PHF24: variants seen among roughly 807,000 people sequenced by gnomAD.
PHF24 encodes Galpha inhibitory interacting protein.
In PHF24, 25 loss-of-function variants were observed where a neutral mutation model predicts 42.6. That is an observed-to-expected ratio of 0.59 (90% CI 0.43 to 0.82). The LOEUF (loss-of-function observed/expected upper bound fraction) is 0.82. PHF24 is among the 40% of genes least tolerant of loss of function. The probability of loss-of-function intolerance (pLI) is 0.00; values close to 1 mark genes in which losing one functional copy is unlikely to be tolerated. For missense variants in PHF24, 470 were observed against 538.1 expected, an observed-to-expected ratio of 0.87 and a Z score of 1.25; for synonymous variants, 185 against 204.8, an observed-to-expected ratio of 0.90 and a Z score of 0.83.
chr9:34,880,161 G>T, the PHF24 span, among the ~76,000 whole-genome samples: 1 of 152,182 alleles, frequency 6.6e-6, no homozygotes, highest in Admixed American at 6.5e-5. Context: ...GAGAGATTTT[G>T]TCACCACCAG....
the PHF24 span, among the ~76,000 whole-genome samples, chr9:34,767,414 G>A: frequency 3.0e-4 from 46 of 152,346 alleles, no homozygotes; most frequent in Non-Finnish European, 5.0e-4. Flanking sequence ...AATGGCGGAC[G>A]CCCCTCCCCC....
intron 1 of PHF24, among the ~76,000 whole-genome samples, chr9:34,965,456 A>G (rs372671001): frequency 6.6e-6 from 1 of 152,262 alleles, no homozygotes; most frequent in African/African-American, 2.4e-5. Context: ...AGATTGAACC[A>G]TCTCAGCTAA....
In PHF24 at chr9:34,976,144, A is replaced by G. The variant is rs1473994889; in HGVS notation, c.565-8A>G. 1 of 1,611,832 alleles carries G rather than the reference A, an allele frequency of 6.2e-7. No individual in the cohort carries two copies. The highest frequency in any genetic ancestry group is 8.5e-7 in the Non-Finnish European group (1 of 1,178,372). On this transcript the variant is annotated splice_region_variant and splice_polypyrimidine_tract_variant and intron_variant, in intron 3 of 7. Transcript: ENST00000242315. ...ATGGCCACCGACTCAGCTCTTCCTT[A>G]TTTTCAGGACAACATCAACTTGCTG...
the PHF24 span, chr9:34,690,400 G>A: frequency 1.9e-6 from 3 of 1,557,730 alleles, no homozygotes; most frequent in Non-Finnish European, 2.6e-6. Flanking sequence ...GCATGGCCAT[G>A]GCCCTAGCTC....
the PHF24 span, among the ~76,000 whole-genome samples, chr9:34,869,763 A>G: frequency 6.6e-6 from 1 of 152,144 alleles, no homozygotes; most frequent in Non-Finnish European, 1.5e-5. Context: ...GATTCAGGCT[A>G]TAATCTGCCT....
chr9:34,922,587 C>G, the PHF24 span: 1 of 963,062 alleles, frequency 1.0e-6, no homozygotes, highest in South Asian at 1.3e-5. Context: ...TTTGCTCTCG[C>G]TTGTGAAGCA....
At chr9:34,800,200 C>T in the PHF24 span, among the ~76,000 whole-genome samples, 1 of 152,002 alleles carries the variant, frequency 6.6e-6, no homozygotes, top group Non-Finnish European at 1.5e-5. Flanking sequence ...AGAGACAAGG[C>T]AGGGAGACTA....
the PHF24 span, among the ~76,000 whole-genome samples, chr9:34,698,462 T>C: frequency 6.6e-6 from 1 of 152,180 alleles, no homozygotes; most frequent in African/African-American, 2.4e-5. Flanking sequence ...AATGGCTGGA[T>C]TATTGCATAA....
At chr9:34,893,131 T>A in the PHF24 span, 1 of 772,388 alleles carries the variant, frequency 1.3e-6, no homozygotes, top group Non-Finnish European at 1.9e-6. Flanking sequence ...GCACACTTCC[T>A]TCCTGAGGAA....
the PHF24 span, among the ~76,000 whole-genome samples, chr9:34,852,165 T>C: frequency 6.6e-6 from 1 of 152,376 alleles, no homozygotes; most frequent in South Asian, 2.1e-4. Flanking sequence ...GTATTTTCTC[T>C]TCCTTATGAC....
chr9:34,811,553 C>G, the PHF24 span, among the ~76,000 whole-genome samples: 1 of 152,212 alleles, frequency 6.6e-6, no homozygotes, highest in East Asian at 1.9e-4. Context: ...GACCCTCAAT[C>G]TTGGGCTTCC....
At chr9:34,681,985 CT>C in the PHF24 span, among the ~76,000 whole-genome samples, 3 of 151,936 alleles carry the variant, frequency 2.0e-5, no homozygotes, top group African/African-American at 2.4e-5. Flanking sequence ...TATCTTGGCA[CT>C]TTTTTTTTGA....
the PHF24 span, among the ~76,000 whole-genome samples, chr9:34,854,212 C>CA: frequency 7.2e-5 from 5 of 69,532 alleles, no homozygotes; most frequent in South Asian, 4.1e-4. Flanking sequence ...TTTTTTTTTT[C>CA]AAAAAAAATC....
At chr9:34,673,192 C>T in the PHF24 span, among the ~76,000 whole-genome samples, 1 of 152,060 alleles carries the variant, frequency 6.6e-6, no homozygotes, top group Non-Finnish European at 1.5e-5. Flanking sequence ...CCTGTCTCTA[C>T]TAAAAATACA....
exon 6 of PHF24, chr9:34,977,227 C>T (rs775108335): frequency 4.0e-5 from 65 of 1,610,056 alleles, no homozygotes; most frequent in Non-Finnish European, 5.1e-5. Flanking sequence ...CCCAGAGGCT[C>T]CTTCCTGCAG....
chr9:34,796,514 C>T, the PHF24 span, among the ~76,000 whole-genome samples: 1 of 151,780 alleles, frequency 6.6e-6, no homozygotes, highest in Non-Finnish European at 1.5e-5. Context: ...AAACTTGACA[C>T]GAAGAAAATA....
chr9:34,865,553 G>A, the PHF24 span, among the ~76,000 whole-genome samples: 66,522 of 151,782 alleles, frequency 0.44, 15,047 homozygotes, highest in East Asian at 0.67. Flanking sequence ...GACAAAGCAA[G>A]ACTCTGTCTC....
chr9:34,795,702 T>G, the PHF24 span, among the ~76,000 whole-genome samples: 2 of 152,138 alleles, frequency 1.3e-5, no homozygotes, highest in Non-Finnish European at 2.9e-5. Flanking sequence ...GATAGTGTGA[T>G]GTAGACAAGG....
At chr9:34,890,620 T>C in the PHF24 span, among the ~76,000 whole-genome samples, 1 of 152,230 alleles carries the variant, frequency 6.6e-6, no homozygotes, top group East Asian at 1.9e-4. Flanking sequence ...TGGTGGGATA[T>C]GAAGTTTCTG....
Sources: gnomAD v4.1 joint callset for allele counts (sites outside exome capture counted in the v4.1 genomes callset) on GRCh38, gnomAD v4.1.1 for gene constraint, MANE v1.5 for transcripts, NCBI Gene and HGNC (gene_info 2026-07-23, HGNC 2026-07-21) for gene names.